Variants in R3HDM2 observed in about 807,000 individuals in gnomAD.
The protein encoded by R3HDM2 is R3H domain containing 2.
In R3HDM2, 38 loss-of-function variants were observed where a neutral mutation model predicts 124.5. That is an observed-to-expected ratio of 0.31 (90% CI 0.24 to 0.40). The LOEUF is 0.40. Among genes scored for constraint, R3HDM2 ranks in the 10% least tolerant of loss-of-function variants. The probability of loss-of-function intolerance (pLI) is 1.00; values close to 1 mark genes in which losing one functional copy is unlikely to be tolerated. For missense variants in R3HDM2, 869 were observed against 1,236.9 expected, an observed-to-expected ratio of 0.70 and a Z score of 4.46; for synonymous variants, 391 against 448.0, an observed-to-expected ratio of 0.87 and a Z score of 1.61.
Position 57,256,288 on chromosome 12 carries a change from C to T in R3HDM2, c.2547+126G>A, listed in dbSNP as rs985798143. 20 of 942,272 alleles carry T rather than the reference C, an allele frequency of 2.1e-5. 1 individual carries two copies. In the Admixed American group the frequency reaches 2.6e-4, roughly 12 times the overall value. 58.4% of individuals were successfully genotyped at this position (942,272 alleles called of 1,614,324 possible). A position where few individuals can be genotyped will look rare whatever the true frequency, so the allele number is the denominator to read the frequency against. On this transcript the variant is annotated intron_variant, in intron 22 of 23. Coordinates refer to ENST00000402412, the MANE Select transcript of R3HDM2 (RefSeq NM_001394031.1). ...GGAGACATGAGTATAGGAGGTAGGG[C>T]AAGGCTCCTGCTTTGTTCATTCTGT...
At position 57,256,039 on chromosome 12, in the gene R3HDM2, C is replaced by T. The variant is rs1300146149; in HGVS notation, c.2583G>A (p.Lys861=). The T allele has an allele frequency of 1.3e-5, 21 of 1,613,998 alleles. No individual in the cohort carries two copies. The highest frequency in any genetic ancestry group is 1.8e-5 in the Non-Finnish European group (21 of 1,180,018). The change falls in exon 23 of 24, where the codon AAG becomes AAA. Residue 861 remains lysine (K), a synonymous_variant. Transcript: ENST00000402412. ...TGGAGGCAGATTTGAGTGCTTGTCT[C>T]TTGCCCCGGTTTCCATGCTTCAGTC... ...QSGLKHGNRG[K]RQALKSASTD... is the part of the protein sequence containing the mutation.
At chr12:57,328,735 CT>C (rs1364686080) in intron 2 of R3HDM2, among the ~76,000 whole-genome samples, 2 of 151,976 alleles carry the variant, frequency 1.3e-5, no homozygotes, top group African/African-American at 4.8e-5. Context: ...AAGGTATGTA[CT>C]TTTTTTAGAC....
chr12:57,291,515 G>A (rs536337131), intron 11 of R3HDM2, among the ~76,000 whole-genome samples: 12 of 151,818 alleles, frequency 7.9e-5, no homozygotes, highest in African/African-American at 1.4e-4. Context: ...TTAGCCAGGC[G>A]TGGTAATGCG....
At chr12:57,423,405 C>T (rs997213403) in intron 1 of R3HDM2, among the ~76,000 whole-genome samples, 6 of 151,710 alleles carry the variant, frequency 4.0e-5, no homozygotes, top group African/African-American at 1.2e-4. Flanking sequence ...GCCTGGGCAA[C>T]AGAGCAAGAC....
intron 2 of R3HDM2, among the ~76,000 whole-genome samples, chr12:57,380,249 TG>T (rs1268409272): frequency 2.0e-5 from 3 of 152,220 alleles, no homozygotes; most frequent in Admixed American, 6.5e-5. Flanking sequence ...AAAAACATAT[TG>T]TTTTTCAAAT....
At chr12:57,421,134 T>C (rs1320508854) in intron 1 of R3HDM2, among the ~76,000 whole-genome samples, 1 of 151,270 alleles carries the variant, frequency 6.6e-6, no homozygotes, top group African/African-American at 2.4e-5. Context: ...CAATCACGCA[T>C]GTACACATCT....
chr12:57,269,740 G>A lies in R3HDM2; in HGVS notation c.1587+12C>T. ...AATTAAGTGATTTAAGCTGGGAACT[G>A]GAGCTGCTCACCTGTTGAGGGGGCT... is the stretch of plus-strand genomic sequence containing the variant. On this transcript the variant is annotated intron_variant, in intron 15 of 23. Transcript: ENST00000402412. 6.2e-7 allele frequency: 1 copy of A among 1,614,128 alleles called. No homozygotes were observed. The highest frequency in any genetic ancestry group is 8.5e-7 in the Non-Finnish European group (1 of 1,179,982).
intron 2 of R3HDM2, among the ~76,000 whole-genome samples, chr12:57,388,748 G>A (rs1309010456): frequency 6.6e-6 from 1 of 151,872 alleles, no homozygotes; most frequent in Non-Finnish European, 1.5e-5. Context: ...TCCTTTTCCC[G>A]AATTAGGACT....
intron 11 of R3HDM2, among the ~76,000 whole-genome samples, chr12:57,291,781 ATAC>A (rs1304338298): frequency 6.6e-6 from 1 of 152,020 alleles, no homozygotes; most frequent in Non-Finnish European, 1.5e-5. Flanking sequence ...TCATATCTGG[ATAC>A]TACATTTTCT....
intron 2 of R3HDM2, among the ~76,000 whole-genome samples, chr12:57,368,560 C>T (rs1173472474): frequency 6.6e-6 from 1 of 152,128 alleles, no homozygotes; most frequent in African/African-American, 2.4e-5. Context: ...GCCACTTGGC[C>T]AATTATATCT....
At chr12:57,255,537 C>T (rs1469493874) in intron 23 of R3HDM2, among the ~76,000 whole-genome samples, 1 of 152,178 alleles carries the variant, frequency 6.6e-6, no homozygotes, top group Admixed American at 6.5e-5. Flanking sequence ...TCCTTCTTAT[C>T]ATCTCAGGAA....
intron 3 of R3HDM2, chr12:57,304,612 G>T: frequency 1.5e-6 from 1 of 662,868 alleles, no homozygotes; most frequent in Non-Finnish European, 1.9e-6. Context: ...CTGCTCAGTG[G>T]TAAGATCTGT....
intron 3 of R3HDM2, among the ~76,000 whole-genome samples, chr12:57,303,541 T>TGA (rs990114051): frequency 6.0e-5 from 9 of 149,280 alleles, no homozygotes; most frequent in Admixed American, 4.7e-4. Flanking sequence ...CTCAGGAGTT[T>TGA]GAGACCAGCC....
intron 19 of R3HDM2, among the ~76,000 whole-genome samples, chr12:57,260,187 C>T (rs1034482736): frequency 1.5e-4 from 21 of 139,552 alleles, no homozygotes; most frequent in African/African-American, 5.7e-4. Context: ...TCACTTGAGC[C>T]TGGGAGGTCG....
chr12:57,428,521 G>A (rs1388252421), intron 1 of R3HDM2, among the ~76,000 whole-genome samples: 1 of 149,932 alleles, frequency 6.7e-6, no homozygotes. Context: ...GGGCGTGGTG[G>A]GGGGGCACCT....
At chr12:57,307,253 G>A (rs2052817724) in intron 3 of R3HDM2, among the ~76,000 whole-genome samples, 1 of 152,096 alleles carries the variant, frequency 6.6e-6, no homozygotes, top group Admixed American at 6.5e-5. Context: ...TAGATTCTTG[G>A]GGAGACTTCT....
rs201270445 is a variant in R3HDM2 at position 57,415,868 on chromosome 12, C to CA, written c.-106+14851dup. Reference sequence around the variant, plus strand: ...TCAAAAATATTAATGACATGAAAAACAAAAAAAACAGAAGAGAACTGCTCT... The same window carrying CA: ...TCAAAAATATTAATGACATGAAAAACAAAAAAAAACAGAAGAGAACTGCTCT... On this transcript the variant is annotated intron_variant, in intron 1 of 23. Transcript: ENST00000402412. 7.1e-3 allele frequency among the ~76,000 whole-genome samples: 1,075 copies of CA among 151,438 alleles called. 10 individuals carry two copies. Among genetic ancestry groups the CA allele is most frequent in the African/African-American group, 0.021 (848 of 41,324 alleles).
chr12:57,349,270 C>G (rs1386488156), intron 2 of R3HDM2, among the ~76,000 whole-genome samples: 2 of 148,682 alleles, frequency 1.3e-5, no homozygotes, highest in African/African-American at 5.0e-5. Flanking sequence ...GTCCCAGCTA[C>G]TCGGGAGGCT....
At chr12:57,378,696 G>T (rs980326438) in intron 2 of R3HDM2, among the ~76,000 whole-genome samples, 1 of 152,052 alleles carries the variant, frequency 6.6e-6, no homozygotes, top group Admixed American at 6.5e-5. Context: ...TCTCACTAAA[G>T]TCTAAGTTCT....
Sources: gnomAD v4.1 joint callset for allele counts (sites outside exome capture counted in the v4.1 genomes callset) on GRCh38, gnomAD v4.1.1 for gene constraint, MANE v1.5 for transcripts, NCBI Gene and HGNC (gene_info 2026-07-23, HGNC 2026-07-21) for gene names.